ANKRD28: variants seen among roughly 807,000 people sequenced by gnomAD.
ANKRD28 encodes the protein serine/threonine-protein phosphatase 6 regulatory ankyrin repeat subunit A.
A neutral mutation model predicts 126.5 loss-of-function variants in ANKRD28; 44 were observed. The ratio of observed to expected loss-of-function variants is 0.35; its 90% confidence interval spans 0.27 to 0.45. ANKRD28 has a LOEUF of 0.45. Among genes scored for constraint, ANKRD28 ranks in the 20% least tolerant of loss-of-function variants. The probability of loss-of-function intolerance (pLI) is 1.00; values close to 1 mark genes in which losing one functional copy is unlikely to be tolerated. For synonymous variants in ANKRD28, 442 were observed against 468.5 expected, an observed-to-expected ratio of 0.94 and a Z score of 0.73; for missense variants, 1,110 against 1,316.6, an observed-to-expected ratio of 0.84 and a Z score of 2.43.
At chr3:15,813,301 G>C (rs2060761459) in intron 1 of ANKRD28, among the ~76,000 whole-genome samples, 1 of 152,130 alleles carries the variant, frequency 6.6e-6, no homozygotes, top group African/African-American at 2.4e-5. Context: ...GGCAGGTTGA[G>C]GCTGCAGTCA....
intron 26 of ANKRD28, 114 bp from the exon 27 acceptor site, chr3:15,676,103 A>T: frequency 1.3e-6 from 1 of 745,172 alleles, no homozygotes; most frequent in Non-Finnish European, 2.1e-6. Context: ...AGAGGTACAA[A>T]CTCGAGAAAC....
rs186954332 is a variant in ANKRD28, at chr3:15,741,210, A to C, written c.352-3977T>G. 1.4e-4 allele frequency among the ~76,000 whole-genome samples: 22 copies of C among 152,184 alleles called. No homozygotes were observed. In the South Asian group the frequency reaches 3.1e-3, roughly 22 times the overall value. On this transcript the variant is annotated intron_variant, in intron 4 of 27. Coordinates refer to ENST00000683139, the MANE Select transcript of ANKRD28 (RefSeq NM_001349278.2). ...CGAGACTCCATCTCAAAAAAAAAAA[A>C]CAAAAAACAAAAAACGTGTCAGATC...
chr3:15,800,765 T>A (rs2060446826), upstream of ANKRD28, among the ~76,000 whole-genome samples: 1 of 152,148 alleles, frequency 6.6e-6, no homozygotes, highest in African/African-American at 2.4e-5. Context: ...GTTTAGGGAC[T>A]GTAAAATTCC....
intron 4 of ANKRD28, among the ~76,000 whole-genome samples, chr3:15,743,628 G>A (rs112889069): frequency 3.4e-5 from 5 of 147,764 alleles, no homozygotes; most frequent in African/African-American, 1.3e-4. Context: ...CCTAATACTC[G>A]GATATCCATT....
At chr3:15,840,198 T>A (rs2061399893) in intron 1 of ANKRD28, among the ~76,000 whole-genome samples, 1 of 152,236 alleles carries the variant, frequency 6.6e-6, no homozygotes, top group Non-Finnish European at 1.5e-5. Context: ...TCAGTAAAGT[T>A]GCAAGATACA....
intron 3 of ANKRD28, among the ~76,000 whole-genome samples, chr3:15,764,386 T>TAA (rs2058639218): frequency 6.6e-6 from 1 of 152,180 alleles, no homozygotes. Flanking sequence ...ATGCTCATGA[T>TAA]AAGACTCATT....
chr3:15,816,622 T>C lies in ANKRD28; in HGVS notation c.28-21316A>G, dbSNP rs1465774174. 6.6e-6 allele frequency among the ~76,000 whole-genome samples: 1 copy of C among 152,230 alleles called. No individual in the cohort carries two copies. Among genetic ancestry groups the C allele is most frequent in the Non-Finnish European group, 1.5e-5 (1 of 68,032 alleles). ...AGGAAAAGTGTTTGGTGCCCTTTAT[T>C]TTACTACACTATTTAACCCACTAGA... On this transcript the variant is annotated intron_variant, in intron 1 of 27. Transcript: ENST00000399451. This position sits in a 1 kb window ranked among gnomAD's most constrained non-coding sequence, Gnocchi z 5.0.
At chr3:15,712,075 G>T in intron 11 of ANKRD28, 65 bp downstream of exon 11, 8 of 1,226,298 alleles carry the variant, frequency 6.5e-6, no homozygotes, top group Non-Finnish European at 9.4e-6. Context: ...AAGCAGGATA[G>T]AGACCATCTA....
chr3:15,819,506 T>C (rs150728638), intron 1 of ANKRD28, among the ~76,000 whole-genome samples: 6 of 152,320 alleles, frequency 3.9e-5, no homozygotes, highest in Admixed American at 2.0e-4. Flanking sequence ...TACTTGCTTA[T>C]ATAGTCATAA....
chr3:15,795,051 A>G (rs557524820), intron 2 of ANKRD28, among the ~76,000 whole-genome samples, 172 bp downstream of exon 2: 3 of 152,246 alleles, frequency 2.0e-5, no homozygotes, highest in Non-Finnish European at 4.4e-5. Flanking sequence ...ACTGGCTGCT[A>G]CTGCCCTGAG....
rs773127849 is a variant in ANKRD28 at position 15,736,984 on chromosome 3, G to C, written c.552+49C>G. ...AAATGCAAGTTCTTTAATAAGTGGGGGGTGGACAGGAGGAGAGAAAAATAA... is the reference window on the plus strand; with the variant it reads ...AAATGCAAGTTCTTTAATAAGTGGGCGGTGGACAGGAGGAGAGAAAAATAA... On this transcript the variant is annotated intron_variant, in intron 5 of 27. Transcript: ENST00000683139. 2.6e-6 allele frequency: 4 copies of C among 1,565,404 alleles called. No homozygotes were observed. In the South Asian group the frequency reaches 3.3e-5, roughly 13 times the overall value.
intron 8 of ANKRD28, among the ~76,000 whole-genome samples, chr3:15,715,355 T>G (rs924948627): frequency 5.1e-4 from 77 of 152,232 alleles, no homozygotes; most frequent in Non-Finnish European, 1.6e-4. Context: ...GCCTTCTGCA[T>G]AGGTACTAAA....
intron 1 of ANKRD28, among the ~76,000 whole-genome samples, chr3:15,807,299 C>T (rs1027171373): frequency 1.3e-5 from 2 of 152,184 alleles, no homozygotes; most frequent in African/African-American, 4.8e-5. Context: ...AAATGAATCA[C>T]TACTAGGCAG....
chr3:15,765,900 C>T (rs903093706), intron 3 of ANKRD28, among the ~76,000 whole-genome samples: 44 of 151,112 alleles, frequency 2.9e-4, no homozygotes, highest in Non-Finnish European at 5.9e-4. Flanking sequence ...AATGCTTATC[C>T]CACCCCGATT....
chr3:15,824,941 CA>C (rs1219197974), intron 1 of ANKRD28, among the ~76,000 whole-genome samples: 5 of 152,148 alleles, frequency 3.3e-5, no homozygotes, highest in Non-Finnish European at 5.9e-5. Flanking sequence ...ATTTTCAATG[CA>C]CATCCCACTG....
intron 21 of ANKRD28, 58 bp downstream of exon 21, chr3:15,685,168 T>G: frequency 6.4e-7 from 1 of 1,573,086 alleles, no homozygotes. Flanking sequence ...TATAAATATG[T>G]CATTCTTTTA....
At chr3:15,679,217 A>G (rs1575107317) in intron 23 of ANKRD28, 84 bp downstream of exon 23, 1 of 1,324,796 alleles carries the variant, frequency 7.5e-7, no homozygotes, top group East Asian at 2.3e-5. Flanking sequence ...TCATCCTCCC[A>G]CTTCAGCCTC....
chr3:15,859,148 G>C (rs1382811414), intron 1 of ANKRD28, among the ~76,000 whole-genome samples: 1 of 152,196 alleles, frequency 6.6e-6, no homozygotes, highest in Non-Finnish European at 1.5e-5. Flanking sequence ...TCTTGCTGCA[G>C]CGGCTAGACC....
rs1420090990 is a variant in ANKRD28 at position 15,667,493 on chromosome 3, C to T, written c.*2777G>A. 1 of 152,206 alleles carries T rather than the reference C, an allele frequency of 6.6e-6. No individual in the cohort carries two copies. 9.4% of individuals were successfully genotyped at this position (152,206 alleles called of 1,614,324 possible). A position where few individuals can be genotyped will look rare whatever the true frequency, so the allele number is the denominator to read the frequency against. Reference sequence around the variant, plus strand: ...AGTTAAATAAAGCAAACAGGCTTTTCTACTCTGTGTGAGGATAAGAAACAC... The same window carrying T: ...AGTTAAATAAAGCAAACAGGCTTTTTTACTCTGTGTGAGGATAAGAAACAC... On this transcript the variant is annotated 3_prime_UTR_variant, in exon 28 of 28. Transcript: ENST00000683139.
Sources: gnomAD v4.1 joint callset for allele counts (sites outside exome capture counted in the v4.1 genomes callset) on GRCh38, gnomAD v4.1.1 for gene constraint, Gnocchi (gnomAD v3.1) non-coding constraint, MANE v1.5 for transcripts, NCBI Gene and HGNC (gene_info 2026-07-23, HGNC 2026-07-21) for gene names.